The following SNTG1 variants were observed in gnomAD, a reference collection of about 807,000 sequenced individuals.
SNTG1 encodes the protein syntrophin gamma 1, also known as gamma-1-syntrophin.
In SNTG1, 39 loss-of-function variants were observed where a neutral mutation model predicts 74.7. That is an observed-to-expected ratio of 0.52 (90% CI 0.40 to 0.68). The LOEUF (loss-of-function observed/expected upper bound fraction) is 0.68, where lower values mean the gene tolerates loss of function less well. SNTG1 is among the 30% of genes least tolerant of loss of function. The probability of loss-of-function intolerance (pLI) is 0.00; values close to 1 mark genes in which losing one functional copy is unlikely to be tolerated. For missense variants in SNTG1, 685 were observed against 609.5 expected (o/e 1.12, Z -1.30); for synonymous variants, 254 against 217.1 (o/e 1.17, Z -1.49).
intron 17 of SNTG1, among the ~76,000 whole-genome samples, chr8:50,739,786 C>T (rs1358278924): frequency 6.6e-6 from 1 of 152,008 alleles, no homozygotes; most frequent in African/African-American, 2.4e-5. Context: ...ACACATATAC[C>T]AGTGGAACAG....
At chr8:50,321,573 T>C (rs553469282) in intron 2 of SNTG1, among the ~76,000 whole-genome samples, 2 of 111,128 alleles carry the variant, frequency 1.8e-5, no homozygotes, top group African/African-American at 5.1e-5. Flanking sequence ...CTGCCATTTG[T>C]TGTTTTCTTG....
intron 1 of SNTG1, among the ~76,000 whole-genome samples, chr8:50,014,010 A>C (rs1816075157): frequency 6.6e-6 from 1 of 152,116 alleles, no homozygotes; most frequent in Admixed American, 6.6e-5. Context: ...AAAATAACCA[A>C]AGCCACAGAA....
chr8:50,707,135 A>T (rs1426739469), intron 16 of SNTG1, among the ~76,000 whole-genome samples: 1 of 152,048 alleles, frequency 6.6e-6, no homozygotes, highest in African/African-American at 2.4e-5. Flanking sequence ...TTTATAGCAC[A>T]TCTATTTGTT....
intron 2 of SNTG1, among the ~76,000 whole-genome samples, chr8:50,293,164 C>T (rs1440093336): frequency 6.6e-6 from 1 of 152,134 alleles, no homozygotes; most frequent in Non-Finnish European, 1.5e-5. Context: ...GTTATCATAG[C>T]CGAGTACTAA....
At chr8:50,246,642 G>C (rs549334498) in intron 2 of SNTG1, among the ~76,000 whole-genome samples, 1 of 152,084 alleles carries the variant, frequency 6.6e-6, no homozygotes, top group Non-Finnish European at 1.5e-5. Flanking sequence ...ATGAATAGGA[G>C]CATTATCGTG....
At chr8:49,930,625 T>C (rs962162155) in intron 1 of SNTG1, among the ~76,000 whole-genome samples, 2 of 152,098 alleles carry the variant, frequency 1.3e-5, no homozygotes, top group Admixed American at 6.6e-5. Context: ...AATTTTCTAT[T>C]TGAAACCAGG....
At chr8:50,135,099 G>C (rs1365605282) in intron 1 of SNTG1, among the ~76,000 whole-genome samples, 1 of 152,044 alleles carries the variant, frequency 6.6e-6, no homozygotes, top group Non-Finnish European at 1.5e-5. Context: ...CTGCACAGCT[G>C]CGTGCTGCAG....
At chr8:50,208,470 G>T (rs1022211706) in intron 2 of SNTG1, among the ~76,000 whole-genome samples, 1 of 152,068 alleles carries the variant, frequency 6.6e-6, no homozygotes, top group South Asian at 2.1e-4. Context: ...ACGTGAGATG[G>T]TTCTTCTGAA....
chr8:50,209,853 A>T (rs1356036601), intron 2 of SNTG1, among the ~76,000 whole-genome samples: 1 of 152,208 alleles, frequency 6.6e-6, no homozygotes, highest in Non-Finnish European at 1.5e-5. Context: ...CCAGCAACGG[A>T]ACAAAGCTGG....
intron 1 of SNTG1, among the ~76,000 whole-genome samples, chr8:49,985,323 G>T (rs1370577652): frequency 6.6e-6 from 1 of 152,080 alleles, no homozygotes; most frequent in Non-Finnish European, 1.5e-5. Context: ...GAGAGATGGA[G>T]TTTCACCGTG....
At chr8:50,290,387 T>C (rs889606641) in intron 2 of SNTG1, among the ~76,000 whole-genome samples, 3 of 152,226 alleles carry the variant, frequency 2.0e-5, no homozygotes, top group African/African-American at 7.2e-5. Flanking sequence ...GATTCTTTCT[T>C]CTTTTTAATC....
chr8:49,991,124 A>G (rs765563272), intron 1 of SNTG1, among the ~76,000 whole-genome samples: 1 of 152,160 alleles, frequency 6.6e-6, no homozygotes, highest in Non-Finnish European at 1.5e-5. Context: ...CTTAAAATGG[A>G]CAAAGAGTCT....
chr8:50,691,273 G>C (rs2095377788), intron 15 of SNTG1, among the ~76,000 whole-genome samples: 1 of 152,146 alleles, frequency 6.6e-6, no homozygotes, highest in South Asian at 2.1e-4. Context: ...TGTTATGTGT[G>C]TATTTGATCC....
intron 18 of SNTG1, among the ~76,000 whole-genome samples, chr8:50,759,153 GTTGT>G (rs1325471020): frequency 2.0e-5 from 3 of 151,994 alleles, no homozygotes; most frequent in Non-Finnish European, 4.4e-5. Context: ...TTTTGATGGG[GTTGT>G]TTGTTTTTTT....
intron 1 of SNTG1, among the ~76,000 whole-genome samples, chr8:50,039,018 G>A (rs1027978186): frequency 1.3e-5 from 2 of 152,164 alleles, no homozygotes; most frequent in Non-Finnish European, 2.9e-5. Context: ...AGGATGCCTT[G>A]TGCTTCTCAT....
chr8:50,663,614 A>AGTG (rs1323671336), intron 15 of SNTG1, among the ~76,000 whole-genome samples: 2 of 152,152 alleles, frequency 1.3e-5, no homozygotes, highest in Admixed American at 1.3e-4. Context: ...ACGGCACTGT[A>AGTG]GTGGTGCATG....
chr8:50,729,363 G>T (rs1388553439), intron 17 of SNTG1, among the ~76,000 whole-genome samples: 1 of 152,190 alleles, frequency 6.6e-6, no homozygotes, highest in African/African-American at 2.4e-5. Context: ...CTAAGAAATG[G>T]TAAGCAGATT....
At chr8:50,543,454 T>C (rs955909101) in intron 11 of SNTG1, among the ~76,000 whole-genome samples, 33 of 151,878 alleles carry the variant, frequency 2.2e-4, no homozygotes, top group African/African-American at 7.3e-4. Context: ...GTTGTTGTTG[T>C]TGTTGTTGCT....
At chr8:50,785,205 TA>T (rs1213078618) in intron 18 of SNTG1, among the ~76,000 whole-genome samples, 3 of 151,552 alleles carry the variant, frequency 2.0e-5, no homozygotes, top group African/African-American at 7.3e-5. Context: ...CAGAAATATA[TA>T]AAAAAAGAAT....
Sources: allele counts gnomAD v4.1 joint callset (sites outside exome capture counted in the v4.1 genomes callset), GRCh38; gene constraint gnomAD v4.1.1; transcripts MANE v1.5; gene names NCBI Gene and HGNC (gene_info 2026-07-23, HGNC 2026-07-21).